Variants in ANKRD36C observed in about 807,000 individuals in gnomAD.
ANKRD36C encodes ankyrin repeat domain 36C.
In ANKRD36C, 61 loss-of-function variants were observed where a neutral mutation model predicts 276.4. The observed-to-expected ratio is 0.22, with a 90% confidence interval of 0.18 to 0.27. ANKRD36C has a LOEUF of 0.27. Among genes scored for constraint, ANKRD36C ranks in the 10% least tolerant of loss-of-function variants. The pLI, the probability that ANKRD36C is intolerant of heterozygous loss-of-function variation, is 1.00. For synonymous variants in ANKRD36C, 483 were observed against 680.1 expected (o/e 0.71, Z 4.51); for missense variants, 1,447 against 2,032.3 (o/e 0.71, Z 5.54).
chr2:95,968,795 T>C (rs1277032719), intron 6 of ANKRD36C, among the ~76,000 whole-genome samples: 1 of 152,212 alleles, frequency 6.6e-6, no homozygotes, highest in Non-Finnish European at 1.5e-5. Flanking sequence ...CCAGTTGGAC[T>C]TCAAGTTGGG....
intron 24 of ANKRD36C, among the ~76,000 whole-genome samples, chr2:95,933,366 C>G (rs890401995): frequency 6.6e-6 from 1 of 152,270 alleles, no homozygotes; most frequent in African/African-American, 2.4e-5. Flanking sequence ...TTACTTTGGG[C>G]AGTATGGCCA....
At chr2:95,900,409 GCTTCCAGA>G (rs1676636554) in intron 42 of ANKRD36C, among the ~76,000 whole-genome samples, 1 of 4,748 alleles carries the variant, frequency 2.1e-4, no homozygotes. Flanking sequence ...AATGTTTCCT[GCTTCCAGA>G]AATTGCTGGA....
chr2:95,891,736 G>C (rs1384754497), exon 46 of ANKRD36C: 4 of 1,581,156 alleles, frequency 2.5e-6, no homozygotes, highest in African/African-American at 2.7e-5. Context: ...GTCACTTGTA[G>C]CCTGAATGGA....
downstream of ANKRD36C, among the ~76,000 whole-genome samples, chr2:95,850,246 C>T (rs1411513829): frequency 6.6e-6 from 1 of 152,276 alleles, no homozygotes; most frequent in East Asian, 1.9e-4. Flanking sequence ...GGTACTAGGA[C>T]AAGCACTGGA....
At chr2:95,868,367 A>C (rs1675726350) in intron 59 of ANKRD36C, among the ~76,000 whole-genome samples, 1 of 151,198 alleles carries the variant, frequency 6.6e-6, no homozygotes, top group Non-Finnish European at 1.5e-5. Context: ...TGAATCACTA[A>C]ATTGAGGCAT....
At chr2:95,907,726 T>G (rs955032366) in intron 42 of ANKRD36C, among the ~76,000 whole-genome samples, 1 of 148,418 alleles carries the variant, frequency 6.7e-6, no homozygotes, top group African/African-American at 2.5e-5. Flanking sequence ...TAAATAGCTA[T>G]TTTATCCAAG....
intron 40 of ANKRD36C, 131 bp downstream of exon 42, chr2:95,913,977 T>C: frequency 9.8e-7 from 1 of 1,017,416 alleles, no homozygotes; most frequent in Non-Finnish European, 1.4e-6. Context: ...AGAACTTATT[T>C]GAAATGAAGA....
chr2:95,888,952 T>C (rs534648849), intron 48 of ANKRD36C, among the ~76,000 whole-genome samples: 5 of 151,774 alleles, frequency 3.3e-5, no homozygotes, highest in African/African-American at 9.6e-5. Context: ...AACATATTTT[T>C]TGTTTCTAAA....
chr2:95,956,096 G>C (rs1346632495), intron 13 of ANKRD36C, among the ~76,000 whole-genome samples: 2 of 152,074 alleles, frequency 1.3e-5, no homozygotes, highest in Non-Finnish European at 2.9e-5. Context: ...AACCTAACTG[G>C]GTAGGGAGTA....
At chr2:95,938,645 T>G (rs28566623) in intron 22 of ANKRD36C, among the ~76,000 whole-genome samples, 184 bp downstream of exon 22, 1 of 152,306 alleles carries the variant, frequency 6.6e-6, no homozygotes, top group Non-Finnish European at 1.5e-5. Context: ...GAGCTCACAG[T>G]GTAAAATGTC....
At chr2:95,991,542 T>C in exon 1 of ANKRD36C, 2 of 1,611,180 alleles carry the variant, frequency 1.2e-6, no homozygotes, top group African/African-American at 1.3e-5. Flanking sequence ...ATTGATGTCA[T>C]AACGCGTGAG....
chr2:95,975,226 G>A (rs544658317), intron 6 of ANKRD36C, among the ~76,000 whole-genome samples: 10 of 152,246 alleles, frequency 6.6e-5, no homozygotes, highest in African/African-American at 2.2e-4. Context: ...TAGATTCAAT[G>A]CCATCCCAGC....
chr2:95,898,217 T>C (rs1676613921), intron 44 of ANKRD36C, among the ~76,000 whole-genome samples: 1 of 149,448 alleles, frequency 6.7e-6, no homozygotes, highest in Non-Finnish European at 1.5e-5. Flanking sequence ...AAGCATTAGA[T>C]ATTGATCAGT....
intron 42 of ANKRD36C, 126 bp downstream of exon 46, chr2:95,910,246 AT>A: frequency 8.8e-7 from 1 of 1,142,456 alleles, no homozygotes; most frequent in Non-Finnish European, 1.2e-6. Flanking sequence ...CTTACTACAA[AT>A]GAAGAATCTC....
intron 60 of ANKRD36C, among the ~76,000 whole-genome samples, chr2:95,862,923 C>G (rs542085946): frequency 3.3e-5 from 5 of 151,834 alleles, no homozygotes. Flanking sequence ...ACACCAAACA[C>G]GACAGCATCT....
intron 26 of ANKRD36C, among the ~76,000 whole-genome samples, chr2:95,927,629 A>G (rs1247442152): frequency 1.3e-5 from 2 of 151,640 alleles, no homozygotes; most frequent in Non-Finnish European, 3.0e-5. Context: ...CAAACATGGT[A>G]TGATTCGTGA....
intron 40 of ANKRD36C, among the ~76,000 whole-genome samples, chr2:95,912,664 A>T (rs879062874): frequency 6.6e-6 from 1 of 151,398 alleles, no homozygotes; most frequent in South Asian, 2.1e-4. Flanking sequence ...ATGATTTGTC[A>T]CGTGTCGAAA....
At chr2:95,859,918 A>C in exon 61 of ANKRD36C, 1 of 1,548,024 alleles carries the variant, frequency 6.5e-7, no homozygotes, top group Non-Finnish European at 8.7e-7. Flanking sequence ...CTGCGATTTT[A>C]TTTCTTCTTT....
chr2:95,885,149 C>T (rs1381852838), intron 52 of ANKRD36C, among the ~76,000 whole-genome samples: 1 of 151,832 alleles, frequency 6.6e-6, no homozygotes, highest in Non-Finnish European at 1.5e-5. Flanking sequence ...ACAAATCACT[C>T]CAATATTCAT....
Sources: gnomAD v4.1 joint callset for allele counts (sites outside exome capture counted in the v4.1 genomes callset) on GRCh38, gnomAD v4.1.1 for gene constraint, MANE v1.5 for transcripts, NCBI Gene and HGNC (gene_info 2026-07-23, HGNC 2026-07-21) for gene names.